Variants in CALN1 observed in about 807,000 individuals in gnomAD.
CALN1 encodes calcium-binding protein 8.
A neutral mutation model predicts 30.6 loss-of-function variants in CALN1; 17 were observed. The observed-to-expected ratio is 0.56, with a 90% CI of 0.38 to 0.83. CALN1 has a LOEUF of 0.83. Ranked by LOEUF, CALN1 falls within the 40% of genes least tolerant of loss-of-function variation. The pLI, the probability that CALN1 is intolerant of heterozygous loss-of-function variation, is 0.00. For synonymous variants in CALN1, 156 were observed against 131.4 expected (o/e 1.19, Z -1.28); for missense variants, 291 against 354.9 (o/e 0.82, Z 1.45).
chr7:72,010,899 A>G (rs1385145962), intron 5 of CALN1, among the ~76,000 whole-genome samples: 1 of 152,028 alleles, frequency 6.6e-6, no homozygotes, highest in Non-Finnish European at 1.5e-5. Flanking sequence ...TAATGCCTGT[A>G]ATCCCAGCAC....
intron 3 of CALN1, among the ~76,000 whole-genome samples, chr7:72,121,166 TTATA>T (rs1260233447): frequency 3.5e-5 from 5 of 144,732 alleles, no homozygotes; most frequent in South Asian, 4.2e-4. Flanking sequence ...AAAATCTATA[TTATA>T]TATAATTATA....
At chr7:71,914,240 T>G (rs1286686574) in intron 5 of CALN1, among the ~76,000 whole-genome samples, 1 of 152,174 alleles carries the variant, frequency 6.6e-6, no homozygotes, top group Non-Finnish European at 1.5e-5. Flanking sequence ...GTGTGTATTG[T>G]TCTCCACTGT....
intron 3 of CALN1, among the ~76,000 whole-genome samples, chr7:72,129,115 T>TA (rs1489632947): frequency 2.0e-5 from 3 of 152,132 alleles, no homozygotes; most frequent in Non-Finnish European, 4.4e-5. Flanking sequence ...TTTAAACATA[T>TA]AACACCAAGT....
At chr7:72,464,134 G>A in the CALN1 span, among the ~76,000 whole-genome samples, 4 of 152,010 alleles carry the variant, frequency 2.6e-5, no homozygotes, top group African/African-American at 9.7e-5. Context: ...GGGAGAGAGA[G>A]AGAAAGAAAG....
In CALN1 at chr7:71,788,873, T is replaced by C. The variant is rs577841259; in HGVS notation, c.659-971A>G. On this transcript the variant is annotated intron_variant, in intron 6 of 6. Coordinates refer to ENST00000395275, the MANE Select transcript of CALN1 (RefSeq NM_031468.4). ...TGGGGTTTCACCACGTTAGCCAGGA[T>C]GATCTCGATCTCCTGACCTTGTGAT... Among the ~76,000 whole-genome samples, 145 of 152,220 alleles carry C rather than the reference T, an allele frequency of 9.5e-4. 1 individual carries two copies. Among genetic ancestry groups the C allele is most frequent in the Non-Finnish European group, 1.5e-3 (101 of 68,012 alleles).
chr7:71,820,382 G>A (rs912915136), intron 5 of CALN1, among the ~76,000 whole-genome samples: 1 of 152,204 alleles, frequency 6.6e-6, no homozygotes, highest in African/African-American at 2.4e-5. Flanking sequence ...AAACTCAGGT[G>A]TAGGCTGACC....
At chr7:72,081,340 A>C (rs1033134241) in intron 4 of CALN1, among the ~76,000 whole-genome samples, 1 of 150,968 alleles carries the variant, frequency 6.6e-6, no homozygotes, top group Non-Finnish European at 1.5e-5. Context: ...AATTGCAGGA[A>C]GTCACAAGAC....
intron 5 of CALN1, among the ~76,000 whole-genome samples, chr7:71,960,756 C>T (rs548618910): frequency 8.9e-4 from 136 of 152,254 alleles, no homozygotes; most frequent in Non-Finnish European, 2.2e-4. Context: ...CTCTCTACCT[C>T]CATGCAGGTG....
At chr7:71,941,384 A>G (rs1649497057) in intron 5 of CALN1, among the ~76,000 whole-genome samples, 3 of 151,782 alleles carry the variant, frequency 2.0e-5, no homozygotes, top group Non-Finnish European at 4.4e-5. Context: ...TTCAATAAGG[A>G]CACCATAAAT....
chr7:72,491,491 C>T, the CALN1 span, among the ~76,000 whole-genome samples: 2 of 152,112 alleles, frequency 1.3e-5, no homozygotes, highest in Admixed American at 1.3e-4. Flanking sequence ...ATCGCTTGAG[C>T]CCAAAAGGTT....
At chr7:72,456,306 C>T in the CALN1 span, among the ~76,000 whole-genome samples, 400 of 151,946 alleles carry the variant, frequency 2.6e-3, 1 homozygote, top group African/African-American at 9.3e-3. Context: ...GAGGATCACT[C>T]GAGGCCAGGA....
At chr7:72,377,436 C>CATGTGTGTGT (rs3220816) in intron 2 of CALN1, among the ~76,000 whole-genome samples, 2 of 142,336 alleles carry the variant, frequency 1.4e-5, no homozygotes, top group South Asian at 2.4e-4. Context: ...GCCACACTTT[C>CATGTGTGTGT]GTGTGTGTGT....
intron 2 of CALN1, among the ~76,000 whole-genome samples, chr7:72,363,715 T>TA (rs1338683662): frequency 2.2e-5 from 3 of 138,780 alleles, no homozygotes; most frequent in South Asian, 2.3e-4. Flanking sequence ...AACATATGGT[T>TA]AAAAAAAACT....
chr7:71,936,591 A>G (rs1213148981), intron 5 of CALN1, among the ~76,000 whole-genome samples: 1 of 152,038 alleles, frequency 6.6e-6, no homozygotes, highest in Non-Finnish European at 1.5e-5. Context: ...GGCTGCAGCA[A>G]AGGCTGGAAG....
intron 5 of CALN1, among the ~76,000 whole-genome samples, chr7:71,842,219 A>G (rs1411374545): frequency 1.3e-5 from 2 of 152,164 alleles, no homozygotes; most frequent in East Asian, 1.9e-4. Flanking sequence ...GATTCACCCA[A>G]TGTGACAATG....
At chr7:72,246,840 C>T (rs368928236) in intron 3 of CALN1, among the ~76,000 whole-genome samples, 2 of 150,524 alleles carry the variant, frequency 1.3e-5, no homozygotes, top group Non-Finnish European at 3.0e-5. Flanking sequence ...CTGCAACCTC[C>T]GCCTCCCAGG....
At chr7:72,034,795 CAAA>C (rs57756121) in intron 4 of CALN1, among the ~76,000 whole-genome samples, 74 of 52,628 alleles carry the variant, frequency 1.4e-3, no homozygotes, top group African/African-American at 4.6e-3. Context: ...GACTCTGTCT[CAAA>C]AAAAAAAAAA....
intron 3 of CALN1, among the ~76,000 whole-genome samples, chr7:72,139,586 CCTTT>C (rs1439655215): frequency 1.3e-5 from 2 of 151,494 alleles, no homozygotes. Context: ...CGGCCACACC[CCTTT>C]CTAAGCACCT....
At chr7:72,420,253 A>C (rs1383156115) in intron 1 of CALN1, among the ~76,000 whole-genome samples, 1 of 152,190 alleles carries the variant, frequency 6.6e-6, no homozygotes, top group Non-Finnish European at 1.5e-5. Context: ...AGAGGTAGCC[A>C]GACTCATAAG....
Sources: gnomAD v4.1 joint callset for allele counts (sites outside exome capture counted in the v4.1 genomes callset) on GRCh38, gnomAD v4.1.1 for gene constraint, MANE v1.5 for transcripts, NCBI Gene and HGNC (gene_info 2026-07-23, HGNC 2026-07-21) for gene names.